The following MICU1 variants were observed in gnomAD, a reference collection of about 807,000 sequenced individuals.
MICU1 encodes the protein calcium uptake protein 1, mitochondrial.
A neutral mutation model predicts 56.8 loss-of-function variants in MICU1; 45 were observed. The ratio of observed to expected loss-of-function variants is 0.79; its 90% CI spans 0.62 to 1.02. The LOEUF (loss-of-function observed/expected upper bound fraction) is 1.02. Ranked by LOEUF, MICU1 falls within the 50% of genes least tolerant of loss-of-function variation. The probability of loss-of-function intolerance (pLI) is 0.00; values close to 1 mark genes in which losing one functional copy is unlikely to be tolerated. For synonymous variants in MICU1, 186 were observed against 195.1 expected (o/e 0.95, Z 0.39); for missense variants, 504 against 587.1 (o/e 0.86, Z 1.46).
intron 10 of MICU1, among the ~76,000 whole-genome samples, chr10:72,398,951 A>G (rs1173506080): frequency 2.6e-5 from 4 of 152,192 alleles, no homozygotes; most frequent in Non-Finnish European, 4.4e-5. Flanking sequence ...TATGAGGCCA[A>G]CATCACCCTG....
At chr10:72,556,167 C>T (rs1249232212) in intron 3 of MICU1, among the ~76,000 whole-genome samples, 6 of 152,134 alleles carry the variant, frequency 3.9e-5, no homozygotes, top group South Asian at 2.1e-4. Flanking sequence ...CCTCCATTTT[C>T]GAGACTCCCT....
intron 1 of MICU1, among the ~76,000 whole-genome samples, chr10:72,581,215 C>T (rs28612489): frequency 0.04 from 6,079 of 152,258 alleles, 399 homozygotes; most frequent in African/African-American, 0.13. Flanking sequence ...CTGATACGTG[C>T]AATGCTGCTT....
At chr10:72,530,798 T>C (rs1839459054) in intron 5 of MICU1, among the ~76,000 whole-genome samples, 1 of 152,200 alleles carries the variant, frequency 6.6e-6, no homozygotes, top group Non-Finnish European at 1.5e-5. Flanking sequence ...TCAGTTGAAA[T>C]AGTAATGTCT....
intron 7 of MICU1, 148 bp from the exon 8 acceptor site, chr10:72,475,445 T>C: frequency 1.3e-6 from 1 of 789,616 alleles, no homozygotes; most frequent in Non-Finnish European, 1.9e-6. Flanking sequence ...TTTTTTTTTT[T>C]TGAGACAGAG....
chr10:72,578,148 T>C (rs537729161), intron 1 of MICU1, among the ~76,000 whole-genome samples: 1 of 152,250 alleles, frequency 6.6e-6, no homozygotes, highest in African/African-American at 2.4e-5. Flanking sequence ...GCCACCCCAG[T>C]CTTCAGCAAC....
intron 8 of MICU1, among the ~76,000 whole-genome samples, chr10:72,458,849 C>A (rs1865557553): frequency 6.6e-6 from 1 of 151,306 alleles, no homozygotes; most frequent in South Asian, 2.1e-4. Context: ...TAGCTGGGAC[C>A]ACAGGTGCAT....
chr10:72,576,416 G>A (rs1840748146), intron 1 of MICU1, among the ~76,000 whole-genome samples: 1 of 152,156 alleles, frequency 6.6e-6, no homozygotes, highest in African/African-American at 2.4e-5. Context: ...CTGCTGATGT[G>A]AGGCAGATTT....
chr10:72,547,297 C>A (rs1376181286), intron 4 of MICU1, among the ~76,000 whole-genome samples: 1 of 152,034 alleles, frequency 6.6e-6, no homozygotes, highest in African/African-American at 2.4e-5. Context: ...CCATAGCCTC[C>A]CAAAGTGCTA....
intron 1 of MICU1, among the ~76,000 whole-genome samples, chr10:72,604,249 T>C (rs1400302243): frequency 1.3e-5 from 2 of 151,830 alleles, no homozygotes; most frequent in South Asian, 4.2e-4. Context: ...ATATTAGGTA[T>C]TTCACAGGAT....
At chr10:72,412,659 T>A (rs1465587422) in intron 9 of MICU1, among the ~76,000 whole-genome samples, 1 of 151,804 alleles carries the variant, frequency 6.6e-6, no homozygotes, top group Non-Finnish European at 1.5e-5. Flanking sequence ...GGGACCAGCC[T>A]GGCCAAACAT....
chr10:72,536,510 C>T (rs572777904), intron 4 of MICU1, among the ~76,000 whole-genome samples: 10 of 151,798 alleles, frequency 6.6e-5, no homozygotes, highest in South Asian at 2.1e-4. Context: ...CCATGCCCGG[C>T]TAATTTTTTT....
intron 6 of MICU1, among the ~76,000 whole-genome samples, chr10:72,486,689 C>G (rs559458756): frequency 6.6e-6 from 1 of 152,258 alleles, no homozygotes; most frequent in African/African-American, 2.4e-5. Context: ...CCAGGCTGGT[C>G]CCAAACTCTT....
At chr10:72,592,015 T>G (rs1841239867) in intron 1 of MICU1, among the ~76,000 whole-genome samples, 1 of 136,876 alleles carries the variant, frequency 7.3e-6, no homozygotes, top group South Asian at 2.3e-4. Flanking sequence ...GGTTTTTTTG[T>G]TTTTTTTTTT....
At chr10:72,391,037 G>A (rs1863050865) in intron 10 of MICU1, among the ~76,000 whole-genome samples, 1 of 152,238 alleles carries the variant, frequency 6.6e-6, no homozygotes, top group South Asian at 2.1e-4. Context: ...AAAGTTAAGT[G>A]CTTTATGTAG....
chr10:72,475,433 A>AT, intron 7 of MICU1, 136 bp from the exon 8 acceptor site: 60 of 765,596 alleles, frequency 7.8e-5, no homozygotes, highest in South Asian at 2.0e-4. Flanking sequence ...TGCTTACAAC[A>AT]ATTTTTTTTT....
chr10:72,591,631 T>C (rs539614064), intron 1 of MICU1, among the ~76,000 whole-genome samples: 1 of 152,272 alleles, frequency 6.6e-6, no homozygotes, highest in South Asian at 2.1e-4. Flanking sequence ...CTAGATAAGA[T>C]GGACCAATTC....
At chr10:72,395,318 A>C (rs539999053) in intron 10 of MICU1, among the ~76,000 whole-genome samples, 2 of 152,310 alleles carry the variant, frequency 1.3e-5, no homozygotes, top group Non-Finnish European at 2.9e-5. Context: ...GGGTGTTCCA[A>C]GATGGCCAAA....
intron 5 of MICU1, among the ~76,000 whole-genome samples, chr10:72,510,973 A>T (rs764927229): frequency 2.0e-5 from 3 of 152,152 alleles, no homozygotes; most frequent in Non-Finnish European, 4.4e-5. Context: ...TGTCCCAATA[A>T]TTTCCTTTAT....
chr10:72,601,428 TAAAAAAAAAA>T (rs77385847), intron 1 of MICU1, among the ~76,000 whole-genome samples: 21 of 91,008 alleles, frequency 2.3e-4, no homozygotes, highest in African/African-American at 8.9e-4. Flanking sequence ...ACCCTGTCTT[TAAAAAAAAAA>T]AAAAAAAAAA....
Sources: allele counts gnomAD v4.1 joint callset (sites outside exome capture counted in the v4.1 genomes callset), GRCh38; gene constraint gnomAD v4.1.1; transcripts MANE v1.5; gene names NCBI Gene and HGNC (gene_info 2026-07-23, HGNC 2026-07-21).